Variants in TMEM143 observed in about 807,000 individuals in gnomAD.
TMEM143 encodes transmembrane protein 143.
TMEM143 carries 45 observed loss-of-function variants against 40.3 expected under a neutral mutation model. The ratio of observed to expected loss-of-function variants is 1.12; its 90% CI spans 0.88 to 1.43. TMEM143 has a LOEUF of 1.43. Ranked by LOEUF, TMEM143 falls within the 40% of genes most tolerant of loss-of-function variation. TMEM143 has a pLI of 0.00. For synonymous variants in TMEM143, 299 were observed against 282.7 expected, an observed-to-expected ratio of 1.06 and a Z score of -0.58; for missense variants, 620 against 613.4, an observed-to-expected ratio of 1.01 and a Z score of -0.11.
At chr19:48,362,341 A>T (rs933769206) in intron 2 of TMEM143, among the ~76,000 whole-genome samples, 1 of 152,064 alleles carries the variant, frequency 6.6e-6, no homozygotes, top group African/African-American at 2.4e-5. Context: ...GGAGTTCGAG[A>T]CCAGCCTGGC....
At chr19:48,362,210 G>A (rs1411719294) in intron 2 of TMEM143, among the ~76,000 whole-genome samples, 1 of 150,540 alleles carries the variant, frequency 6.6e-6, no homozygotes, top group African/African-American at 2.5e-5. Flanking sequence ...ACAGAATTGA[G>A]TACATACAGT....
chr19:48,334,599 T>C (rs1600892472), intron 6 of TMEM143, among the ~76,000 whole-genome samples: 1 of 115,062 alleles, frequency 8.7e-6, no homozygotes. Flanking sequence ...TTTTTTTTTT[T>C]TCGACAGGGT....
intron 3 of TMEM143, among the ~76,000 whole-genome samples, chr19:48,353,344 T>C (rs1160186385): frequency 2.0e-5 from 3 of 151,582 alleles, no homozygotes; most frequent in Non-Finnish European, 4.4e-5. Context: ...CATGCCCAGC[T>C]AATTTTTTTT....
rs1477401763 is a variant in TMEM143, at chr19:48,332,892, G to C, written c.*327C>G. The C allele has an allele frequency of 1.4e-5, 3 of 210,762 alleles. No homozygotes were observed. Among genetic ancestry groups the C allele is most frequent in the African/African-American group, 4.6e-5 (2 of 43,562 alleles). 13.1% of individuals were successfully genotyped at this position (210,762 alleles called of 1,614,324 possible). Reference sequence around the variant, plus strand: ...TCTACCTGGCGGTTTACAGAAGCCAGAGCTGAGCAGCTGTGATTGGCAGAC... The same window carrying C: ...TCTACCTGGCGGTTTACAGAAGCCACAGCTGAGCAGCTGTGATTGGCAGAC... On this transcript the variant is annotated 3_prime_UTR_variant, in exon 8 of 8. Transcript: ENST00000293261.
At position 48,342,811 on chromosome 19, in the gene TMEM143, T is replaced by G; in HGVS notation, c.696-2A>C. The G allele has an allele frequency of 1.3e-6, 2 of 1,596,120 alleles. No homozygotes were observed. The highest frequency in any genetic ancestry group is 1.7e-6 in the Non-Finnish European group (2 of 1,166,964). ...AGGACCACCCGCTTAAAGTATCTCCTGAGGGACAGAGACAGAGGCAGGAGC... is the reference window on the plus strand; with the variant it reads ...AGGACCACCCGCTTAAAGTATCTCCGGAGGGACAGAGACAGAGGCAGGAGC... On this transcript the variant is annotated splice_acceptor_variant, in intron 5 of 7. Transcript: ENST00000293261. LOFTEE classifies it high-confidence loss of function.
At position 48,343,445 on chromosome 19, in the gene TMEM143, C is replaced by G. The variant is rs1480242770; in HGVS notation, c.571G>C (p.Val191Leu). 1.3e-6 allele frequency: 2 copies of G among 1,576,176 alleles called. No homozygotes were observed. The highest frequency in any genetic ancestry group is 1.7e-6 in the Non-Finnish European group (2 of 1,160,282). The part of the protein sequence containing the change: ...HHPQDEVQVT[V>L]NLDQYVYIHF... ...ATGTAGACATACTGATCCAAATTTA[C>G]TGTCACCTGCCGGGGGGATGAAGGA... The change falls in exon 5 of 8, where the codon GTA becomes CTA. Residue 191 changes from valine (V) to leucine (L), a missense_variant. Transcript: ENST00000293261.
intron 4 of TMEM143, 121 bp from the exon 5 acceptor site, chr19:48,343,572 A>C: frequency 7.5e-7 from 1 of 1,333,370 alleles, no homozygotes; most frequent in Non-Finnish European, 1.0e-6. Flanking sequence ...ATCCCCATTC[A>C]CCATCTAGGC....
At chr19:48,355,853 G>T (rs181651146) in intron 3 of TMEM143, among the ~76,000 whole-genome samples, 3 of 152,262 alleles carry the variant, frequency 2.0e-5, no homozygotes, top group African/African-American at 7.2e-5. Context: ...GTCATCTATG[G>T]TCAGGGCCTG....
rs1460551362 is a variant in TMEM143, at chr19:48,345,062, G to A, written c.564+98C>T. 3.4e-5 allele frequency: 45 copies of A among 1,326,616 alleles called. No individual in the cohort carries two copies. In the Admixed American group the frequency reaches 9.8e-4, roughly 29 times the overall value. 82.2% of individuals were successfully genotyped at this position (1,326,616 alleles called of 1,614,324 possible). A position where few individuals can be genotyped will look rare whatever the true frequency, so the allele number is the denominator to read the frequency against. On this transcript the variant is annotated intron_variant, in intron 4 of 7. Transcript: ENST00000293261. ...GTGCGCCATATGGGCCACAGTCCCA[G>A]GCTCAGGACTACAACTCCCAGCAGC...
chr19:48,359,575 T>G (rs1330771463), intron 3 of TMEM143, among the ~76,000 whole-genome samples: 1 of 150,092 alleles, frequency 6.7e-6, no homozygotes, highest in Admixed American at 6.7e-5. Flanking sequence ...GGCGCAATCT[T>G]GGCTCACTGC....
Position 48,354,918 on chromosome 19 carries a change from C to T in TMEM143, c.369+5154G>A, listed in dbSNP as rs544136991. Among the ~76,000 whole-genome samples the T allele has an allele frequency of 7.2e-5, 11 of 152,338 alleles. No homozygotes were observed. The East Asian group carries it at 2.1e-3, about 29-fold the overall frequency. ...CGCCTCTGCCACTTCTACCCTGCCCCTGCCTCTGTTTAAAATCTCCTGCCT... is the reference window on the plus strand; with the variant it reads ...CGCCTCTGCCACTTCTACCCTGCCCTTGCCTCTGTTTAAAATCTCCTGCCT... On this transcript the variant is annotated intron_variant, in intron 3 of 7. Coordinates refer to ENST00000293261, the MANE Select transcript of TMEM143 (RefSeq NM_018273.4).
At chr19:48,342,916 TAA>T in intron 5 of TMEM143, 107 bp from the exon 6 acceptor site, 1 of 1,273,314 alleles carries the variant, frequency 7.9e-7, no homozygotes, top group Non-Finnish European at 1.1e-6. Context: ...ACAACCATCT[TAA>T]AAGCGACTCA....
intron 3 of TMEM143, among the ~76,000 whole-genome samples, chr19:48,352,904 A>G (rs1969808393): frequency 6.6e-6 from 1 of 152,152 alleles, no homozygotes; most frequent in African/African-American, 2.4e-5. Context: ...GGCATAAGCC[A>G]CTGTGCCTGG....
At position 48,343,381 on chromosome 19, in the gene TMEM143, G is replaced by C; in HGVS notation, c.635C>G (p.Pro212Arg). 1.2e-6 allele frequency: 2 copies of C among 1,607,278 alleles called. No individual in the cohort carries two copies. Among genetic ancestry groups the C allele is most frequent in the South Asian group, 1.1e-5 (1 of 89,828 alleles). ...CCTGGAGCCCACGCTGGACTTCAGG[G>C]GCATCTGCCCGACTCGCTGGCCCAG... The part of the protein sequence containing the change: ...WALGQRVGQM[P>R]LKSSVGSRRG... Residue 212 changes from proline (P) to arginine (R), a missense_variant, in exon 5 of 8, where the codon CCC becomes CGC. Transcript: ENST00000293261.
At position 48,363,294 on chromosome 19, in the gene TMEM143, T is replaced by C. The variant is rs1354526163; in HGVS notation, c.261A>G (p.Ile87Met). 9.9e-6 allele frequency: 16 copies of C among 1,613,262 alleles called. No individual in the cohort carries two copies. Among genetic ancestry groups the C allele is most frequent in the Non-Finnish European group, 1.3e-5 (15 of 1,179,694 alleles). ...TTGGGCCTGGGACAGGCGGTACCTG[T>C]ATTAGGAGGCGGAGCAGCTGCTCCT... Reference protein sequence around the residue: ...FSKEQLLRLLIQEFHSSPAEK... With the variant: ...FSKEQLLRLLMQEFHSSPAEK... The change falls in exon 2 of 8, where the codon ATA (isoleucine) becomes ATG (methionine). Residue 87 changes from isoleucine (I) to methionine (M), a missense_variant. Coordinates refer to ENST00000293261, the MANE Select transcript of TMEM143 (RefSeq NM_018273.4).
intron 6 of TMEM143, among the ~76,000 whole-genome samples, chr19:48,334,599 TTCG>T (rs1308797839): frequency 1.7e-5 from 2 of 115,062 alleles, no homozygotes; most frequent in Non-Finnish European, 2.0e-5. Context: ...TTTTTTTTTT[TTCG>T]ACAGGGTCTC....
At chr19:48,358,168 G>A (rs977685656) in intron 3 of TMEM143, among the ~76,000 whole-genome samples, 5 of 151,946 alleles carry the variant, frequency 3.3e-5, no homozygotes, top group Non-Finnish European at 7.4e-5. Context: ...GGTAGATCAC[G>A]AGGTCGGGAG....
In TMEM143 at chr19:48,360,064, G is replaced by T. The variant is rs376119649; in HGVS notation, c.369+8C>A. The T allele has an allele frequency of 1.2e-6, 2 of 1,613,628 alleles. No homozygotes were observed. Among genetic ancestry groups the T allele is most frequent in the Non-Finnish European group, 1.7e-6 (2 of 1,179,778 alleles). On this transcript the variant is annotated splice_region_variant and intron_variant, in intron 3 of 7. Coordinates refer to ENST00000293261, the MANE Select transcript of TMEM143 (RefSeq NM_018273.4). ...AGCACCACAGGGCTGGAAGGGCCCCGTCCTCACCTGCAGCCGGGCCAGGAT... is the reference window on the plus strand; with the variant it reads ...AGCACCACAGGGCTGGAAGGGCCCCTTCCTCACCTGCAGCCGGGCCAGGAT...
chr19:48,360,756 T>C (rs1284369828), intron 2 of TMEM143, among the ~76,000 whole-genome samples: 1 of 152,004 alleles, frequency 6.6e-6, no homozygotes, highest in Non-Finnish European at 1.5e-5. Flanking sequence ...GGTTTGACAG[T>C]GTAATATCAT....
Sources: allele counts gnomAD v4.1 joint callset (sites outside exome capture counted in the v4.1 genomes callset), GRCh38; gene constraint gnomAD v4.1.1; transcripts MANE v1.5; gene names NCBI Gene and HGNC (gene_info 2026-07-23, HGNC 2026-07-21).